Variants in PNPLA6 observed in about 807,000 individuals in gnomAD.
PNPLA6 encodes the protein patatin-like phospholipase domain-containing protein 6.
Under a neutral mutation model 153.7 loss-of-function variants are expected in PNPLA6, and 105 were observed. That is an observed-to-expected ratio of 0.68 (90% CI 0.58 to 0.80). PNPLA6 has a LOEUF of 0.80. Among genes scored for constraint, PNPLA6 ranks in the 30% least tolerant of loss-of-function variants. PNPLA6 has a pLI of 0.00. For missense variants in PNPLA6, 1,423 were observed against 1,919.3 expected (o/e 0.74, Z 4.83); for synonymous variants, 825 against 822.2 (o/e 1.00, Z -0.06).
intron 13 of PNPLA6, among the ~76,000 whole-genome samples, chr19:7,545,804 C>T (rs1001259803): frequency 6.7e-6 from 1 of 149,552 alleles, no homozygotes; most frequent in East Asian, 2.0e-4. Flanking sequence ...CCCAGCTACT[C>T]GGGAGCCTGA....
At chr19:7,544,649 C>T (rs1248031290) in intron 13 of PNPLA6, among the ~76,000 whole-genome samples, 3 of 151,978 alleles carry the variant, frequency 2.0e-5, no homozygotes, top group Non-Finnish European at 2.9e-5. Context: ...CCCAGCTCTG[C>T]CCCAGGCTTG....
In PNPLA6 at chr19:7,556,552, C is replaced by G; in HGVS notation, c.3193C>G (p.Gln1065Glu). 5 of 1,612,702 alleles carry G rather than the reference C, an allele frequency of 3.1e-6. No individual in the cohort carries two copies. Among genetic ancestry groups the G allele is most frequent in the Non-Finnish European group, 4.2e-6 (5 of 1,178,766 alleles). ...TAACCGCAGCATCCATCGGGTCTTC[C>G]AGGATAAGCAGATTGAGGTAGGCCC... ...AFNRSIHRVF[Q>E]DKQIEDLWLP... The change falls in exon 25 of 32, where the codon CAG (glutamine) becomes GAG (glutamate). Residue 1065 changes from glutamine to glutamate, a missense_variant. Gln to Glu is a conservative substitution (Grantham distance 29). Around this residue, in one of 10 missense-constraint regions of PNPLA6, gnomAD observed 643 missense variants for 835.2 expected, o/e 0.77. Coordinates refer to ENST00000600737, the MANE Select transcript of PNPLA6 (RefSeq NM_001166114.2).
chr19:7,549,484 C>CTT (rs2023546360), intron 13 of PNPLA6, among the ~76,000 whole-genome samples: 1 of 47,036 alleles, frequency 2.1e-5, no homozygotes, highest in African/African-American at 9.0e-5. Flanking sequence ...CCGCGCCTGG[C>CTT]CTTCTTCTTC....
chr19:7,542,850 C>G lies in PNPLA6; in HGVS notation c.1452C>G (p.Phe484Leu). Residue 484 changes from phenylalanine to leucine, a missense_variant, in exon 12 of 32, where the codon TTC becomes TTG. Physicochemically the swap from Phe to Leu is conservative, Grantham distance 22 (BLOSUM62 0). Transcript: ENST00000600737. ...AGTCGGCCACTGGTGGCTGCCCTTT[C>G]GGGCCCTACCAGGGCCGCCAGACCA... ...EDESATGGCP[F>L]GPYQGRQTSS... 1 of 1,612,988 alleles carries G rather than the reference C, an allele frequency of 6.2e-7. No individual in the cohort carries two copies.
intron 17 of PNPLA6, 93 bp from the exon 18 acceptor site, chr19:7,551,269 G>A: frequency 7.5e-7 from 1 of 1,340,496 alleles, no homozygotes; most frequent in East Asian, 2.3e-5. Context: ...CCCAGGTAAC[G>A]GGCACCCAGG....
At position 7,555,746 on chromosome 19, in the gene PNPLA6, G is replaced by C; in HGVS notation, c.3076G>C (p.Ala1026Pro). 6.2e-7 allele frequency: 1 copy of C among 1,613,716 alleles called. No homozygotes were observed. Among genetic ancestry groups the C allele is most frequent in the Non-Finnish European group, 8.5e-7 (1 of 1,179,882 alleles). ...ERSASRTKQR[A>P]REWAKSMTSV... ...CAGCGCCAGCCGCACGAAGCAGCGG[G>C]CCCGGGAGTGGGCCAAGGTGTGTGT... The change falls in exon 24 of 32, where the codon GCC (alanine) becomes CCC (proline). Residue 1026 changes from alanine to proline, a missense_variant. This residue lies in a region of PNPLA6 where 643 missense variants were observed against 835.2 expected (regional missense o/e 0.77). Coordinates refer to ENST00000600737, the MANE Select transcript of PNPLA6 (RefSeq NM_001166114.2). The surrounding 1 kb of genome is among the most constrained non-coding windows in gnomAD (Gnocchi z 6.3).
chr19:7,539,479 C>T (rs920356687), intron 3 of PNPLA6, among the ~76,000 whole-genome samples: 2 of 150,918 alleles, frequency 1.3e-5, no homozygotes, highest in Non-Finnish European at 2.9e-5. Context: ...ACTCCTGAGG[C>T]AGGGCACAGT....
Position 7,542,766 on chromosome 19 carries a change from C to T in PNPLA6, c.1368C>T (p.Pro456=), listed in dbSNP as rs2023214662. 3 of 1,612,896 alleles carry T rather than the reference C, an allele frequency of 1.9e-6. No individual in the cohort carries two copies. Among genetic ancestry groups the T allele is most frequent in the African/African-American group, 1.3e-5 (1 of 74,930 alleles). ...GGSLAAPART[P]TQEPREQPAG... is the part of the protein sequence containing the mutation. Reference sequence around the variant, plus strand: ...CACAAGCCTGCCCCACTCAGACCCCCACTCAGGAGCCTCGTGAGCAGCCGG... The same window carrying T: ...CACAAGCCTGCCCCACTCAGACCCCTACTCAGGAGCCTCGTGAGCAGCCGG... The change falls in exon 12 of 32, where the codon CCC becomes CCT. Residue 456 remains proline, a synonymous_variant. Transcript: ENST00000600737.
upstream of PNPLA6, chr19:7,535,664 G>A (rs552972414): frequency 4.5e-6 from 7 of 1,543,246 alleles, no homozygotes; most frequent in South Asian, 4.7e-5. The surrounding 1 kb of genome is among the most constrained non-coding windows in gnomAD (Gnocchi z 5.0). Flanking sequence ...CGCATTACGT[G>A]GTCTGGCGAT....
chr19:7,534,576 TC>T (rs2022753127), upstream of PNPLA6: 1 of 153,964 alleles, frequency 6.5e-6, no homozygotes, highest in African/African-American at 2.4e-5. Flanking sequence ...CTCAGTATCT[TC>T]CAAGGAGCCC....
At chr19:7,559,373 G>C (rs1237896235) in intron 28 of PNPLA6, among the ~76,000 whole-genome samples, 1 of 152,180 alleles carries the variant, frequency 6.6e-6, no homozygotes, top group Non-Finnish European at 1.5e-5. Context: ...TTATAGGCCA[G>C]CTGCACCCCT....
intron 13 of PNPLA6, among the ~76,000 whole-genome samples, chr19:7,546,908 A>ATTT (rs35038958): frequency 1.4e-5 from 2 of 145,910 alleles, no homozygotes; most frequent in African/African-American, 2.5e-5. Context: ...AGCCAATTCA[A>ATTT]TTTTTTTTTT....
At chr19:7,536,846 G>A (rs2022893607) in intron 3 of PNPLA6, among the ~76,000 whole-genome samples, 1 of 141,200 alleles carries the variant, frequency 7.1e-6, no homozygotes, top group Non-Finnish European at 1.5e-5. Context: ...AGAATCACTT[G>A]AATCTGGGAG....
At chr19:7,535,519 T>C (rs566410191), upstream of PNPLA6, 14 of 1,589,416 alleles carry the variant, frequency 8.8e-6, no homozygotes, top group East Asian at 2.7e-4. The surrounding 1 kb of genome is among the most constrained non-coding windows in gnomAD (Gnocchi z 5.0). Context: ...GACTCCGGGC[T>C]ACCAGATCGG....
At chr19:7,547,047 G>A (rs151042608) in intron 13 of PNPLA6, among the ~76,000 whole-genome samples, 1,958 of 152,088 alleles carry the variant, frequency 0.013, 36 homozygotes, top group African/African-American at 0.044. Context: ...TGGGATTACA[G>A]GCACACGCTG....
At chr19:7,553,364 GCCTC>G (rs1325744876) in intron 18 of PNPLA6, among the ~76,000 whole-genome samples, 11 of 152,216 alleles carry the variant, frequency 7.2e-5, no homozygotes, top group African/African-American at 2.7e-4. Flanking sequence ...TGATTCTCCT[GCCTC>G]AGCCTCCCAA....
At chr19:7,539,001 C>T (rs1427162137) in intron 3 of PNPLA6, among the ~76,000 whole-genome samples, 2 of 152,182 alleles carry the variant, frequency 1.3e-5, no homozygotes, top group African/African-American at 4.8e-5. Flanking sequence ...GGGGCCATCT[C>T]AGAGAACTTT....
chr19:7,560,980 C>G (rs1362892332), intron 29 of PNPLA6, 34 bp from the exon 30 acceptor site: 3 of 1,448,558 alleles, frequency 2.1e-6, no homozygotes, highest in East Asian at 4.7e-5. Context: ...CTCTGTGGGC[C>G]CCCCCTAAGA....
chr19:7,544,105 G>A (rs1403532071), intron 13 of PNPLA6, among the ~76,000 whole-genome samples: 6 of 150,226 alleles, frequency 4.0e-5, no homozygotes, highest in Non-Finnish European at 7.4e-5. Flanking sequence ...GAGCCACTGC[G>A]CCCGGCCTTT....
Sources: allele counts gnomAD v4.1 joint callset (sites outside exome capture counted in the v4.1 genomes callset), GRCh38; gene constraint gnomAD v4.1.1; regional missense constraint gnomAD v4.1.1; non-coding constraint Gnocchi (gnomAD v3.1); transcripts MANE v1.5; gene names NCBI Gene and HGNC (gene_info 2026-07-23, HGNC 2026-07-21).